CYP2C18: variants seen among roughly 807,000 people sequenced by gnomAD.
The protein encoded by CYP2C18 is cytochrome P450 family 2 subfamily C member 18, also known as cytochrome P450 2C18.
In CYP2C18, 38 loss-of-function variants were observed where a neutral mutation model predicts 41.3. The observed-to-expected ratio is 0.92, with a 90% confidence interval of 0.71 to 1.21. CYP2C18 has a LOEUF of 1.21. CYP2C18 is among the 50% of genes most tolerant of loss of function. CYP2C18 has a pLI of 0.00. For synonymous variants in CYP2C18, 236 were observed against 210.0 expected (o/e 1.12, Z -1.07); for missense variants, 635 against 591.4 (o/e 1.07, Z -0.77).
intron 4 of CYP2C18, among the ~76,000 whole-genome samples, chr10:94,699,318 G>T (rs1847186606): frequency 6.6e-6 from 1 of 152,104 alleles, no homozygotes; most frequent in African/African-American, 2.4e-5. Context: ...TGCAAGGCTG[G>T]TTCAACATAC....
chr10:94,695,806 T>C (rs7094365), intron 4 of CYP2C18, among the ~76,000 whole-genome samples: 25 of 152,186 alleles, frequency 1.6e-4, no homozygotes, highest in African/African-American at 5.8e-4. Context: ...TTTCCAATGA[T>C]CTTAGCAAAT....
chr10:94,720,280 C>T lies in CYP2C18; in HGVS notation c.820-116C>T. ...CAATTGTTGTAGTTTTAATACTGCA[C>T]TCTGTACAGTTTCCAAACTTCCTTA... On this transcript the variant is annotated intron_variant, in intron 5 of 8. Transcript: ENST00000285979. The T allele has an allele frequency of 3.5e-6, 3 of 855,082 alleles. 1 individual carries two copies. The South Asian group carries it at 5.6e-5, about 16-fold the overall frequency. The allele number at this position is 855,082 out of a possible 1,614,324, so 53.0% of individuals were successfully genotyped here. A position where few individuals can be genotyped will look rare whatever the true frequency, so the allele number is the denominator to read the frequency against.
chr10:94,700,534 T>C (rs1045031729), intron 4 of CYP2C18, among the ~76,000 whole-genome samples: 5 of 152,190 alleles, frequency 3.3e-5, no homozygotes, highest in African/African-American at 1.2e-4. Flanking sequence ...GAAGAAAACC[T>C]AGGCAATACC....
chr10:94,701,527 G>GT (rs1847245197), intron 4 of CYP2C18, among the ~76,000 whole-genome samples: 1 of 151,994 alleles, frequency 6.6e-6, no homozygotes, highest in African/African-American at 2.4e-5. Context: ...TAAATGAAGA[G>GT]TTAATGGGTG....
At chr10:94,684,814 G>C (rs923572052) in intron 1 of CYP2C18, among the ~76,000 whole-genome samples, 3 of 151,510 alleles carry the variant, frequency 2.0e-5, no homozygotes, top group African/African-American at 7.3e-5. Flanking sequence ...ACATACCCAA[G>C]GTTCACTTTA....
chr10:94,700,912 C>A (rs1475215091), intron 4 of CYP2C18, among the ~76,000 whole-genome samples: 1 of 152,164 alleles, frequency 6.6e-6, no homozygotes, highest in Admixed American at 6.5e-5. Context: ...AATCAAACCA[C>A]AATGAGATAC....
intron 4 of CYP2C18, among the ~76,000 whole-genome samples, chr10:94,706,181 G>C (rs1409656): frequency 0.98 from 148,764 of 152,274 alleles, 72,769 homozygotes; most frequent in Non-Finnish European, 1. Context: ...TACAGTTTTG[G>C]CTGTGCTGAG....
At chr10:94,701,659 A>T (rs1847248508) in intron 4 of CYP2C18, among the ~76,000 whole-genome samples, 1 of 152,208 alleles carries the variant, frequency 6.6e-6, no homozygotes, top group African/African-American at 2.4e-5. Flanking sequence ...CACCTCTACC[A>T]CACAGTCTCA....
Position 94,695,093 on chromosome 10 carries a change from TC to T in CYP2C18, c.642+17del. ...ATGGATCCAGGTGAGATCAAGAGCT[TC>T]TCTTCCTGAGATATTATTTTTGTTA... On this transcript the variant is annotated intron_variant, in intron 4 of 8. Coordinates refer to ENST00000285979, the MANE Select transcript of CYP2C18 (RefSeq NM_000772.3). 6.3e-7 allele frequency: 1 copy of T among 1,585,402 alleles called. No homozygotes were observed. Among genetic ancestry groups the T allele is most frequent in the Non-Finnish European group, 8.5e-7 (1 of 1,171,084 alleles).
At chr10:94,722,306 C>CT (rs967176113) in intron 6 of CYP2C18, among the ~76,000 whole-genome samples, 12 of 150,006 alleles carry the variant, frequency 8.0e-5, no homozygotes, top group East Asian at 2.0e-4. Flanking sequence ...TTACAAGCAA[C>CT]TTTTTTTTTT....
At chr10:94,699,329 A>G (rs1847186973) in intron 4 of CYP2C18, among the ~76,000 whole-genome samples, 1 of 152,194 alleles carries the variant, frequency 6.6e-6, no homozygotes, top group African/African-American at 2.4e-5. Flanking sequence ...TTCAACATAC[A>G]CAAATCAATA....
intron 3 of CYP2C18, among the ~76,000 whole-genome samples, chr10:94,693,267 C>G (rs1847046795): frequency 6.6e-6 from 1 of 152,200 alleles, no homozygotes; most frequent in South Asian, 2.1e-4. Flanking sequence ...CCTTTTGGTA[C>G]TGTCCTCATG....
intron 4 of CYP2C18, among the ~76,000 whole-genome samples, chr10:94,706,544 T>C (rs1048367239): frequency 6.6e-6 from 1 of 152,218 alleles, no homozygotes; most frequent in African/African-American, 2.4e-5. Flanking sequence ...GAAGCTATTT[T>C]AATATTCTGA....
intron 1 of CYP2C18, among the ~76,000 whole-genome samples, chr10:94,686,588 G>T (rs1846891730): frequency 3.3e-5 from 5 of 152,138 alleles, no homozygotes; most frequent in Admixed American, 2.6e-4. Flanking sequence ...AGAAACTTCT[G>T]TATTACTGGA....
At chr10:94,715,678 A>T (rs1847527474) in intron 5 of CYP2C18, among the ~76,000 whole-genome samples, 1 of 152,168 alleles carries the variant, frequency 6.6e-6, no homozygotes, top group African/African-American at 2.4e-5. Context: ...CTTTGGTATT[A>T]CGATGATGCT....
intron 6 of CYP2C18, among the ~76,000 whole-genome samples, chr10:94,720,751 A>C (rs1847633482): frequency 1.3e-5 from 2 of 152,164 alleles, no homozygotes. Context: ...CAGTGTGATC[A>C]GTAGCAAAAG....
chr10:94,724,279 C>A (rs1847695156), intron 6 of CYP2C18, 67 bp from the exon 7 acceptor site: 1 of 1,519,338 alleles, frequency 6.6e-7, no homozygotes, highest in Non-Finnish European at 9.1e-7. Context: ...CTTCTTGTAA[C>A]CTGAATTGCT....
At chr10:94,733,765 A>G (rs944479343) in intron 8 of CYP2C18, 3 of 212,592 alleles carry the variant, frequency 1.4e-5, no homozygotes, top group African/African-American at 7.1e-5. Context: ...ATCTGCCATG[A>G]GAAAAGTATC....
At chr10:94,703,235 G>T (rs1167285138) in intron 4 of CYP2C18, among the ~76,000 whole-genome samples, 1 of 152,228 alleles carries the variant, frequency 6.6e-6, no homozygotes, top group Non-Finnish European at 1.5e-5. Flanking sequence ...TGAGGAGGCA[G>T]TCTGTCCCTT....
Sources: allele counts gnomAD v4.1 joint callset (sites outside exome capture counted in the v4.1 genomes callset), GRCh38; gene constraint gnomAD v4.1.1; transcripts MANE v1.5; gene names NCBI Gene and HGNC (gene_info 2026-07-23, HGNC 2026-07-21).